Variants in TFPI observed in about 807,000 individuals in gnomAD.
TFPI encodes the protein anti-convertin.
TFPI carries 15 observed loss-of-function variants against 34.6 expected under a neutral mutation model. That is an observed-to-expected ratio of 0.43 (90% CI 0.29 to 0.67). TFPI has a LOEUF of 0.67. Ranked by LOEUF, TFPI falls within the 30% of genes least tolerant of loss-of-function variation. The probability of loss-of-function intolerance (pLI) is 0.15; values close to 1 mark genes in which losing one functional copy is unlikely to be tolerated. For missense variants in TFPI, 301 were observed against 364.0 expected, an observed-to-expected ratio of 0.83 and a Z score of 1.41; for synonymous variants, 105 against 120.1, an observed-to-expected ratio of 0.87 and a Z score of 0.82.
chr2:187,484,191 A>C lies in TFPI; in HGVS notation c.561T>G (p.Tyr187Ter). ...TATTCACAGCATTGAGCTGGGTTCC[A>C]TAATTATCCACCTGGAAACCATTCG... ...DGPNGFQVDN[Y>*]GTQLNAVNNS... The change falls in exon 6 of 8, where the codon TAT (tyrosine) becomes TAG (stop). Residue 187 changes from tyrosine to a stop codon, truncating the protein, a stop_gained. Coordinates refer to ENST00000233156, the MANE Select transcript of TFPI (RefSeq NM_006287.6). LOFTEE classifies it high-confidence loss of function. 6.2e-7 allele frequency: 1 copy of C among 1,612,144 alleles called. No homozygotes were observed. The highest frequency in any genetic ancestry group is 8.5e-7 in the Non-Finnish European group (1 of 1,178,684).
intron 1 of TFPI, among the ~76,000 whole-genome samples, chr2:187,521,053 A>G (rs1687344453): frequency 6.6e-6 from 1 of 151,904 alleles, no homozygotes. Context: ...GATTCCTTCT[A>G]CTAGAGATTG....
chr2:187,503,852 ACCT>A (rs1686016866), intron 1 of TFPI, 82 bp from the exon 2 acceptor site: 1 of 1,444,608 alleles, frequency 6.9e-7, no homozygotes, highest in Non-Finnish European at 9.4e-7. Flanking sequence ...TCATATGTGT[ACCT>A]CATATGCAAA....
chr2:187,513,411 T>C (rs1686781254), intron 1 of TFPI, among the ~76,000 whole-genome samples: 1 of 152,188 alleles, frequency 6.6e-6, no homozygotes, highest in Admixed American at 6.5e-5. Context: ...AATAACACAC[T>C]AATATAAAGG....
At chr2:187,473,014 A>G (rs895800593) in intron 6 of TFPI, among the ~76,000 whole-genome samples, 2 of 139,538 alleles carry the variant, frequency 1.4e-5, no homozygotes, top group African/African-American at 5.1e-5. Context: ...CTCCATCTCG[A>G]AAAAAAAAGA....
intron 1 of TFPI, among the ~76,000 whole-genome samples, chr2:187,550,275 C>T (rs1247223936): frequency 6.6e-6 from 1 of 152,056 alleles, no homozygotes; most frequent in Non-Finnish European, 1.5e-5. Flanking sequence ...GAGGGGCCCA[C>T]ACATGTAAAG....
intron 1 of TFPI, among the ~76,000 whole-genome samples, chr2:187,523,589 T>A (rs996168534): frequency 1.3e-5 from 2 of 152,124 alleles, no homozygotes; most frequent in Non-Finnish European, 2.9e-5. Context: ...TTATTTTTTT[T>A]AAATTGTATA....
At chr2:187,547,378 AGTGTTTT>A (rs1688921418) in intron 1 of TFPI, 5 of 152,228 alleles carry the variant, frequency 3.3e-5, no homozygotes, top group Admixed American at 3.3e-4. Context: ...AATAATGATC[AGTGTTTT>A]CACTCCTATT....
intron 1 of TFPI, among the ~76,000 whole-genome samples, chr2:187,539,837 A>T (rs1322314700): frequency 6.6e-6 from 1 of 152,064 alleles, no homozygotes; most frequent in South Asian, 2.1e-4. Flanking sequence ...TGTATTCAAC[A>T]TGCTTATTCA....
chr2:187,551,876 G>A (rs1221537264), intron 1 of TFPI, among the ~76,000 whole-genome samples: 2 of 152,078 alleles, frequency 1.3e-5, no homozygotes, highest in East Asian at 3.9e-4. Flanking sequence ...TTCCTAAAAT[G>A]AGTTAATTGC....
intron 1 of TFPI, chr2:187,514,707 T>C (rs1385534273): frequency 6.6e-6 from 1 of 152,204 alleles, no homozygotes; most frequent in African/African-American, 2.4e-5. Context: ...TGGCTATCCC[T>C]TTCACCCTGG....
Position 187,503,462 on chromosome 2 carries a change from TACACACAC to T in TFPI, c.121+178_121+185del, listed in dbSNP as rs138349562. Among the ~76,000 whole-genome samples, 682 of 142,316 alleles carry T rather than the reference TACACACAC, an allele frequency of 4.8e-3. 1 individual carries two copies. The highest frequency in any genetic ancestry group is 0.01 in the African/African-American group (400 of 38,580). The allele number at this position is 142,316 out of a possible 152,430, so 93.4% of individuals were successfully genotyped here. A position where few individuals can be genotyped will look rare whatever the true frequency, so the allele number is the denominator to read the frequency against. On this transcript the variant is annotated intron_variant, in intron 2 of 7. Transcript: ENST00000233156. ...ACTGTTTAAAACACACATGTGCATG[TACACACAC>T]ACACACACACACACACACACACACA... is the stretch of plus-strand genomic sequence containing the variant.
At chr2:187,486,282 T>C (rs1024580340) in intron 4 of TFPI, among the ~76,000 whole-genome samples, 2 of 151,676 alleles carry the variant, frequency 1.3e-5, no homozygotes, top group East Asian at 3.9e-4. Flanking sequence ...ATTGAATTAC[T>C]ATCATATGAT....
At chr2:187,493,341 C>T (rs945309099) in intron 3 of TFPI, among the ~76,000 whole-genome samples, 2 of 152,078 alleles carry the variant, frequency 1.3e-5, no homozygotes, top group Non-Finnish European at 2.9e-5. Flanking sequence ...GGCACGAAGT[C>T]CCTAGACTGC....
At chr2:187,543,359 A>C (rs1468716890) in intron 1 of TFPI, among the ~76,000 whole-genome samples, 1 of 152,250 alleles carries the variant, frequency 6.6e-6, no homozygotes, top group Non-Finnish European at 1.5e-5. Flanking sequence ...AATGACTAGA[A>C]GATAATTTGG....
intron 1 of TFPI, chr2:187,518,833 C>T (rs1020122897): frequency 2.0e-5 from 3 of 152,070 alleles, no homozygotes; most frequent in Non-Finnish European, 4.4e-5. Flanking sequence ...AGGCTTTGTT[C>T]ATTCTCCTTT....
At chr2:187,506,972 A>C (rs1205404530) in intron 1 of TFPI, among the ~76,000 whole-genome samples, 1 of 152,058 alleles carries the variant, frequency 6.6e-6, no homozygotes, top group Non-Finnish European at 1.5e-5. Flanking sequence ...GGTTTGTTAC[A>C]TAGGTATGCA....
At chr2:187,469,710 C>T (rs1344377198) in intron 6 of TFPI, among the ~76,000 whole-genome samples, 1 of 152,066 alleles carries the variant, frequency 6.6e-6, no homozygotes, top group Non-Finnish European at 1.5e-5. Context: ...CTTATTTATC[C>T]TACATGCCTG....
At position 187,537,899 on chromosome 2, in the gene TFPI, AC is replaced by A. The variant is rs1479936223; in HGVS notation, c.-3+16300del. Among the ~76,000 whole-genome samples, 3 of 143,762 alleles carry A rather than the reference AC, an allele frequency of 2.1e-5. No individual in the cohort carries two copies. In the East Asian group the frequency reaches 6.0e-4, roughly 29 times the overall value. 94.3% of individuals were successfully genotyped at this position (143,762 alleles called of 152,430 possible). ...ACTTAAACAAATTTACAAGAAAAAA[AC>A]AACCCCATCAAAAAGTGGACAAAGG... On this transcript the variant is annotated intron_variant, in intron 1 of 7. Coordinates refer to ENST00000233156, the MANE Select transcript of TFPI (RefSeq NM_006287.6).
intron 1 of TFPI, among the ~76,000 whole-genome samples, chr2:187,525,277 CTG>C (rs1220936755): frequency 6.6e-6 from 1 of 152,108 alleles, no homozygotes; most frequent in Non-Finnish European, 1.5e-5. Context: ...ACTCATAACT[CTG>C]TGAGTCCAGA....
Sources: allele counts gnomAD v4.1 joint callset (sites outside exome capture counted in the v4.1 genomes callset), GRCh38; gene constraint gnomAD v4.1.1; transcripts MANE v1.5; gene names NCBI Gene and HGNC (gene_info 2026-07-23, HGNC 2026-07-21).